Variants in CLIC5 observed in about 807,000 individuals in gnomAD.
CLIC5 encodes the protein CLIC family member 5.
CLIC5 carries 20 observed loss-of-function variants against 24.7 expected under a neutral mutation model. The observed-to-expected ratio is 0.81, with a 90% CI of 0.57 to 1.18. The LOEUF is 1.18. Ranked by LOEUF, CLIC5 falls within the 50% of genes most tolerant of loss-of-function variation. The pLI is 0.00. For missense variants in CLIC5, 341 were observed against 326.1 expected, an observed-to-expected ratio of 1.05 and a Z score of -0.35; for synonymous variants, 159 against 135.6, an observed-to-expected ratio of 1.17 and a Z score of -1.20.
At chr6:45,944,045 GAAGA>G (rs1764214959) in intron 3 of CLIC5, among the ~76,000 whole-genome samples, 1 of 152,082 alleles carries the variant, frequency 6.6e-6, no homozygotes, top group Admixed American at 6.5e-5. Context: ...AAAGGCTAAG[GAAGA>G]GTGTTTCACT....
intron 1 of CLIC5, among the ~76,000 whole-genome samples, chr6:46,029,167 G>A (rs990587472): frequency 1.7e-4 from 26 of 152,102 alleles, no homozygotes; most frequent in Non-Finnish European, 3.7e-4. Flanking sequence ...CCCTAGCAAT[G>A]AGCACAGTGC....
In CLIC5 at chr6:46,050,475, C is replaced by A. The variant is rs1219474852; in HGVS notation, c.540+29228G>T. 2.6e-5 allele frequency among the ~76,000 whole-genome samples: 4 copies of A among 152,210 alleles called. No individual in the cohort carries two copies. In the East Asian group the frequency reaches 7.7e-4, roughly 29 times the overall value. On this transcript the variant is annotated intron_variant, in intron 1 of 5. Transcript: ENST00000185206. ...CCACATCATTTCATTATTACTGCTA[C>A]TAATGGGAGACAGTGCTTGCTAGTT...
At chr6:46,058,148 T>G (rs1436443613) in intron 1 of CLIC5, among the ~76,000 whole-genome samples, 1 of 152,186 alleles carries the variant, frequency 6.6e-6, no homozygotes, top group Non-Finnish European at 1.5e-5. Flanking sequence ...GCAAGACTTT[T>G]GTTCATTTTT....
the CLIC5 span, among the ~76,000 whole-genome samples, chr6:46,110,805 C>T: frequency 6.6e-6 from 1 of 152,186 alleles, no homozygotes; most frequent in African/African-American, 2.4e-5. Context: ...AAAGTCTAGT[C>T]TTAGATTCTT....
At chr6:45,917,154 G>A (rs6922977) in intron 4 of CLIC5, among the ~76,000 whole-genome samples, 3,198 of 152,184 alleles carry the variant, frequency 0.021, 100 homozygotes, top group African/African-American at 0.071. Context: ...CACAAATGTC[G>A]TTGATCCTGG....
At chr6:46,082,080 G>T (rs1353720911), upstream of CLIC5, among the ~76,000 whole-genome samples, 3 of 152,176 alleles carry the variant, frequency 2.0e-5, no homozygotes, top group East Asian at 1.9e-4. Flanking sequence ...CCCTTGGGGG[G>T]TGACACTACT....
chr6:46,017,085 A>T (rs187014921), upstream of CLIC5, among the ~76,000 whole-genome samples: 87 of 152,314 alleles, frequency 5.7e-4, no homozygotes, highest in African/African-American at 1.9e-3. Flanking sequence ...GTAGTGTATA[A>T]GAATGCTCTC....
Position 46,015,821 on chromosome 6 carries a change from C to A in CLIC5, c.-279G>T. 2.6e-6 allele frequency: 3 copies of A among 1,163,218 alleles called. No homozygotes were observed. Among genetic ancestry groups the A allele is most frequent in the Non-Finnish European group, 3.2e-6 (3 of 943,524 alleles). 72.1% of individuals were successfully genotyped at this position (1,163,218 alleles called of 1,614,324 possible). On this transcript the variant is annotated 5_prime_UTR_variant, in exon 1 of 6. Coordinates refer to ENST00000339561, the MANE Select transcript of CLIC5 (RefSeq NM_016929.5). Reference sequence around the variant, plus strand: ...AACAGGTCGTGGGAGCAACAAGTGCCGGGCTGCCCGGAGGTGTCACAGGAT... The same window carrying A: ...AACAGGTCGTGGGAGCAACAAGTGCAGGGCTGCCCGGAGGTGTCACAGGAT...
At chr6:46,007,928 T>C (rs1398755459) in intron 1 of CLIC5, among the ~76,000 whole-genome samples, 78 of 149,134 alleles carry the variant, frequency 5.2e-4, no homozygotes, top group Non-Finnish European at 6.7e-4. Context: ...TTTTTTTTTT[T>C]CCCGATTTTC....
intron 4 of CLIC5, among the ~76,000 whole-genome samples, chr6:45,925,418 G>A (rs1561937559): frequency 6.6e-6 from 1 of 151,222 alleles, no homozygotes; most frequent in East Asian, 2.0e-4. Flanking sequence ...CCTGGCTCAA[G>A]CAATTCTTCT....
chr6:46,117,889 T>C, the CLIC5 span, among the ~76,000 whole-genome samples: 2 of 152,196 alleles, frequency 1.3e-5, no homozygotes, highest in African/African-American at 2.4e-5. Context: ...TAGTGGTATA[T>C]AAAATAATAG....
At chr6:45,951,951 A>G (rs1274903154) in intron 2 of CLIC5, among the ~76,000 whole-genome samples, 2 of 152,220 alleles carry the variant, frequency 1.3e-5, no homozygotes, top group African/African-American at 4.8e-5. Flanking sequence ...GACGGAAAGT[A>G]TTTTTAAAAT....
At chr6:45,921,510 C>T (rs1187048768) in intron 4 of CLIC5, among the ~76,000 whole-genome samples, 2 of 151,954 alleles carry the variant, frequency 1.3e-5, no homozygotes, top group Non-Finnish European at 2.9e-5. Flanking sequence ...GTGTCTGGTG[C>T]AGAGTGAGAC....
intron 1 of CLIC5, among the ~76,000 whole-genome samples, chr6:46,075,199 C>T (rs1355368309): frequency 6.6e-6 from 1 of 152,114 alleles, no homozygotes; most frequent in Non-Finnish European, 1.5e-5. Flanking sequence ...GAAATTGAGG[C>T]TGAGAGAAGC....
At chr6:46,046,217 G>C (rs1024789408) in intron 1 of CLIC5, among the ~76,000 whole-genome samples, 1 of 152,114 alleles carries the variant, frequency 6.6e-6, no homozygotes, top group Non-Finnish European at 1.5e-5. Context: ...TCCTCTTGGG[G>C]TTTTAGTTCC....
chr6:45,949,229 C>T, intron 3 of CLIC5, 27 bp downstream of exon 3: 1 of 1,605,560 alleles, frequency 6.2e-7, no homozygotes, highest in Non-Finnish European at 8.5e-7. Context: ...TCCCATTCAA[C>T]AGCCCCAGAA....
intron 1 of CLIC5, among the ~76,000 whole-genome samples, chr6:45,966,058 T>C (rs1192643956): frequency 1.3e-5 from 2 of 152,278 alleles, no homozygotes; most frequent in East Asian, 3.9e-4. Context: ...CTTAATAGGA[T>C]AAGCTGGGCT....
the CLIC5 span, among the ~76,000 whole-genome samples, chr6:46,092,450 C>G: frequency 6.6e-6 from 1 of 152,218 alleles, no homozygotes; most frequent in Non-Finnish European, 1.5e-5. Flanking sequence ...TAGAGTCAAT[C>G]TACAGACTAA....
At chr6:45,954,868 A>C (rs1764590877) in intron 2 of CLIC5, among the ~76,000 whole-genome samples, 1 of 152,220 alleles carries the variant, frequency 6.6e-6, no homozygotes, top group Non-Finnish European at 1.5e-5. Context: ...GTGCACCAGA[A>C]ACTTAGTTGC....
Sources: allele counts gnomAD v4.1 joint callset (sites outside exome capture counted in the v4.1 genomes callset), GRCh38; gene constraint gnomAD v4.1.1; transcripts MANE v1.5; gene names NCBI Gene and HGNC (gene_info 2026-07-23, HGNC 2026-07-21).